The following AKNAD1 variants were observed in gnomAD, a reference collection of about 807,000 sequenced individuals.
AKNAD1 encodes AKNA domain containing 1, also known as protein AKNAD1.
A neutral mutation model predicts 90.8 loss-of-function variants in AKNAD1; 67 were observed. The observed-to-expected ratio is 0.74, with a 90% CI of 0.61 to 0.90. The LOEUF (loss-of-function observed/expected upper bound fraction) is 0.90. Ranked by LOEUF, AKNAD1 falls within the 40% of genes least tolerant of loss-of-function variation. The pLI, the probability that AKNAD1 is intolerant of heterozygous loss-of-function variation, is 0.00. For synonymous variants in AKNAD1, 327 were observed against 341.4 expected (o/e 0.96, Z 0.46); for missense variants, 957 against 975.4 (o/e 0.98, Z 0.25).
intron 7 of AKNAD1, 43 bp downstream of exon 7, chr1:108,837,507 C>G: frequency 1.3e-6 from 2 of 1,557,018 alleles, no homozygotes; most frequent in Non-Finnish European, 1.7e-6. Context: ...GCAAAAACAC[C>G]ATTTTTCCTG....
At chr1:108,834,893 T>A (rs778904685) in intron 8 of AKNAD1, 36 bp downstream of exon 8, 9 of 1,506,216 alleles carry the variant, frequency 6.0e-6, no homozygotes, top group Non-Finnish European at 7.9e-6. Flanking sequence ...TCTTTCTGTG[T>A]CCTGTGTCTG....
At chr1:108,857,410 T>C (rs1484283231), upstream of AKNAD1, 1 of 153,110 alleles carries the variant, frequency 6.5e-6, no homozygotes, top group Admixed American at 6.5e-5. Context: ...GGGAATCTGA[T>C]GGACTCAATT....
chr1:108,823,780 G>A (rs1410252853), intron 11 of AKNAD1, 92 bp from the exon 12 acceptor site: 68 of 1,570,038 alleles, frequency 4.3e-5, no homozygotes, highest in Non-Finnish European at 3.8e-5. Flanking sequence ...ACTGTGCAGG[G>A]TATGTGTTTG....
At chr1:108,857,977 C>T (rs1223470378), upstream of AKNAD1, 1 of 152,626 alleles carries the variant, frequency 6.6e-6, no homozygotes, top group Non-Finnish European at 1.5e-5. Flanking sequence ...CAGTATGCTG[C>T]TCTGTCTTCA....
chr1:108,837,643 A>G lies in AKNAD1; in HGVS notation c.1443T>C (p.Asp481=), dbSNP rs771613798. The change falls in exon 7 of 16, where the codon GAT becomes GAC. Residue 481 remains aspartate (D), a synonymous_variant. Coordinates refer to ENST00000370001, the MANE Select transcript of AKNAD1 (RefSeq NM_152763.5). Reference sequence around the variant, plus strand: ...AAGGAGCTGAAGTATATTTGCTTTCATCCATTTTCTCTTTAACATCTTCAA... The same window carrying G: ...AAGGAGCTGAAGTATATTTGCTTTCGTCCATTTTCTCTTTAACATCTTCAA... ...MLLEDVKEKM[D]ESKYTSAPSL... 4 of 1,614,058 alleles carry G rather than the reference A, an allele frequency of 2.5e-6. No homozygotes were observed. In the African/African-American group the frequency reaches 5.3e-5, roughly 22 times the overall value.
chr1:108,852,561 G>A lies in AKNAD1; in HGVS notation c.104C>T (p.Thr35Ile). 6.2e-7 allele frequency: 1 copy of A among 1,613,886 alleles called. No individual in the cohort carries two copies. The highest frequency in any genetic ancestry group is 1.1e-5 in the South Asian group (1 of 91,058). The part of the protein sequence containing the change: ...QIKIGNDYSF[T>I]SKKDGLEVLN... ...GACTTCAAGGCCATCCTTTTTTGAG[G>A]TAAAACTGTAATCATTGCCTATCTT... The change falls in exon 2 of 16, where the codon ACC becomes ATC. Residue 35 changes from threonine (T) to isoleucine (I), a missense_variant. Transcript: ENST00000370001.
chr1:108,818,631 G>A lies in AKNAD1; in HGVS notation c.2250-1454C>T, dbSNP rs148557634. The stretch of plus-strand genomic sequence containing the variant: ...ATGCGGGGAAATGGAGGCACACATA[G>A]GTCAAGGAACCTGCCCAAGGACACA... On this transcript the variant is annotated intron_variant, in intron 14 of 15. Coordinates refer to ENST00000370001, the MANE Select transcript of AKNAD1 (RefSeq NM_152763.5). Among the ~76,000 whole-genome samples, 606 of 152,186 alleles carry A rather than the reference G, an allele frequency of 4.0e-3. 4 individuals carry two copies. The highest frequency in any genetic ancestry group is 5.8e-3 in the Non-Finnish European group (396 of 68,012).
rs1310458440 is a variant in AKNAD1 at position 108,852,001 on chromosome 1, C to T, written c.664G>A (p.Gly222Ser). The T allele has an allele frequency of 1.2e-6, 2 of 1,613,984 alleles. No individual in the cohort carries two copies. Among genetic ancestry groups the T allele is most frequent in the Non-Finnish European group, 1.7e-6 (2 of 1,180,026 alleles). Reference protein sequence around the residue: ...VNVLTKTKGPGDKQKSYQGQS... With the variant: ...VNVLTKTKGPSDKQKSYQGQS... ...CCTTGATAACTTTTTTGTTTATCACCTGGACCCTTGGTTTTAGTTAGAACA... is the reference window on the plus strand; with the variant it reads ...CCTTGATAACTTTTTTGTTTATCACTTGGACCCTTGGTTTTAGTTAGAACA... Residue 222 changes from glycine to serine, a missense_variant, in exon 2 of 16, where the codon GGT (glycine) becomes AGT (serine). Coordinates refer to ENST00000370001, the MANE Select transcript of AKNAD1 (RefSeq NM_152763.5).
intron 1 of AKNAD1, among the ~76,000 whole-genome samples, chr1:108,856,701 G>GTC (rs369506733): frequency 2.2e-3 from 309 of 141,010 alleles, no homozygotes; most frequent in Admixed American, 2.7e-3. Context: ...GCAAGACCCT[G>GTC]TCTCTCTCTC....
chr1:108,822,113 G>C (rs1035885718), intron 13 of AKNAD1, among the ~76,000 whole-genome samples: 2 of 151,996 alleles, frequency 1.3e-5, no homozygotes, highest in African/African-American at 4.8e-5. Context: ...TGTAATTTTG[G>C]ATTTTACTGG....
intron 14 of AKNAD1, among the ~76,000 whole-genome samples, chr1:108,817,651 G>T (rs1256935610): frequency 6.6e-6 from 1 of 151,142 alleles, no homozygotes; most frequent in Admixed American, 6.6e-5. Flanking sequence ...ACAGGCGCCC[G>T]CCACCACGCC....
At chr1:108,854,057 G>A (rs886135298) in intron 1 of AKNAD1, among the ~76,000 whole-genome samples, 18 of 152,180 alleles carry the variant, frequency 1.2e-4, no homozygotes, top group African/African-American at 4.1e-4. Flanking sequence ...AGTCAGAGAG[G>A]CTGCCTTCCC....
chr1:108,824,330 C>T (rs1038104761), intron 11 of AKNAD1, among the ~76,000 whole-genome samples: 10 of 152,198 alleles, frequency 6.6e-5, no homozygotes, highest in Non-Finnish European at 1.3e-4. Flanking sequence ...AATGTCCAAG[C>T]AACATCTCGC....
chr1:108,855,308 G>A (rs1664998495), intron 1 of AKNAD1, among the ~76,000 whole-genome samples: 2 of 152,172 alleles, frequency 1.3e-5, no homozygotes, highest in Admixed American at 6.5e-5. Flanking sequence ...AGCTAGTCAG[G>A]AGGCTGAGGC....
At chr1:108,830,872 G>C in intron 9 of AKNAD1, 1 of 591,126 alleles carries the variant, frequency 1.7e-6, no homozygotes, top group Admixed American at 3.0e-5. Flanking sequence ...CTCAGTCGGG[G>C]CTGCGCCTCT....
At chr1:108,835,130 T>A (rs548044298) in intron 7 of AKNAD1, 74 bp from the exon 8 acceptor site, 22 of 1,519,504 alleles carry the variant, frequency 1.4e-5, no homozygotes, top group Admixed American at 1.2e-4. Flanking sequence ...CAGTTCAGCA[T>A]CCCTACAGCA....
rs114573379 is a variant in AKNAD1, at chr1:108,819,947, A to C, written c.2249+598T>G. 2.9e-3 allele frequency among the ~76,000 whole-genome samples: 428 copies of C among 149,814 alleles called. 1 individual carries two copies. Among genetic ancestry groups the C allele is most frequent in the African/African-American group, 0.01 (419 of 40,892 alleles). On this transcript the variant is annotated intron_variant, in intron 14 of 15. Transcript: ENST00000370001. ...AAAAAAAAAAAAAAAAAATACCCTA[A>C]TTGGCTTCCTCTTGCTCCTAAGATT...
chr1:108,845,042 C>T (rs903916358), intron 5 of AKNAD1, among the ~76,000 whole-genome samples: 7 of 152,212 alleles, frequency 4.6e-5, no homozygotes, highest in Non-Finnish European at 1.0e-4. Flanking sequence ...TGGTCTCAAA[C>T]TCCTGACCTC....
In AKNAD1 at chr1:108,834,927, AC is replaced by A; in HGVS notation, c.1664+1del. 1 of 1,530,088 alleles carries A rather than the reference AC, an allele frequency of 6.5e-7. No homozygotes were observed. The highest frequency in any genetic ancestry group is 8.7e-7 in the Non-Finnish European group (1 of 1,147,786). The allele number at this position is 1,530,088 out of a possible 1,614,324, so 94.8% of individuals were successfully genotyped here. On this transcript the variant is annotated splice_donor_variant, in intron 8 of 15. Transcript: ENST00000370001. LOFTEE classifies it high-confidence loss of function. ...TGCTGGGGCTCCAGGGCTAGGACTC[AC>A]GTCTGCGGGGCCAGCTCACAGAGCT... is the stretch of plus-strand genomic sequence containing the variant.
Sources: gnomAD v4.1 joint callset for allele counts (sites outside exome capture counted in the v4.1 genomes callset) on GRCh38, gnomAD v4.1.1 for gene constraint, MANE v1.5 for transcripts, NCBI Gene and HGNC (gene_info 2026-07-23, HGNC 2026-07-21) for gene names.